Variants in TMEM74 observed in about 807,000 individuals in gnomAD.
TMEM74 encodes transmembrane protein 74.
TMEM74 carries 13 observed loss-of-function variants against 18.1 expected under a neutral mutation model. That is an observed-to-expected ratio of 0.72 (90% confidence interval 0.47 to 1.14). TMEM74 has a LOEUF of 1.14. Ranked by LOEUF, TMEM74 falls within the 50% of genes most tolerant of loss-of-function variation. TMEM74 has a pLI of 0.00. For missense variants in TMEM74, 372 were observed against 375.9 expected, an observed-to-expected ratio of 0.99 and a Z score of 0.09; for synonymous variants, 159 against 146.6, an observed-to-expected ratio of 1.08 and a Z score of -0.61.
At chr8:108,643,781 T>A (rs143874701) in intron 2 of TMEM74, among the ~76,000 whole-genome samples, 1 of 150,884 alleles carries the variant, frequency 6.6e-6, no homozygotes, top group African/African-American at 2.4e-5. Flanking sequence ...AACCTAGGAA[T>A]ACCTTTAACC....
intron 1 of TMEM74, among the ~76,000 whole-genome samples, chr8:108,769,857 T>C (rs923340820): frequency 6.6e-6 from 1 of 152,098 alleles, no homozygotes; most frequent in Admixed American, 6.6e-5. Flanking sequence ...TTTCTGAGTT[T>C]TATGAGTTTT....
chr8:108,745,781 C>A (rs1043371918), intron 1 of TMEM74, among the ~76,000 whole-genome samples: 1 of 152,090 alleles, frequency 6.6e-6, no homozygotes, highest in Non-Finnish European at 1.5e-5. Context: ...GGCAGACAGC[C>A]CAGCGCCGCA....
chr8:108,681,792 A>G (rs1293958542), intron 1 of TMEM74, among the ~76,000 whole-genome samples: 2 of 152,170 alleles, frequency 1.3e-5, no homozygotes, highest in Admixed American at 6.6e-5. Flanking sequence ...TTAGTTCTAC[A>G]CTTAAACCAG....
chr8:108,739,129 T>A (rs1813774859), intron 1 of TMEM74, among the ~76,000 whole-genome samples: 1 of 152,184 alleles, frequency 6.6e-6, no homozygotes, highest in Non-Finnish European at 1.5e-5. Context: ...ACTGCATATC[T>A]TTGACTTTTT....
chr8:108,609,185 T>C (rs572062610), intron 2 of TMEM74, among the ~76,000 whole-genome samples: 1 of 152,204 alleles, frequency 6.6e-6, no homozygotes, highest in Admixed American at 6.5e-5. Flanking sequence ...AGTTTCTCTA[T>C]AGATTTCAAA....
chr8:108,673,074 A>G (rs751722217), intron 1 of TMEM74, among the ~76,000 whole-genome samples: 3 of 152,210 alleles, frequency 2.0e-5, no homozygotes, highest in Non-Finnish European at 2.9e-5. Context: ...AGTCTTCTGA[A>G]GGACATAGAT....
intron 2 of TMEM74, among the ~76,000 whole-genome samples, chr8:108,637,228 T>C (rs1398124524): frequency 6.6e-6 from 1 of 152,122 alleles, no homozygotes; most frequent in Non-Finnish European, 1.5e-5. Flanking sequence ...AAAGGCCAAA[T>C]AGCACTTTTC....
chr8:108,660,277 A>C (rs1812887113), intron 1 of TMEM74, among the ~76,000 whole-genome samples: 1 of 152,176 alleles, frequency 6.6e-6, no homozygotes, highest in Non-Finnish European at 1.5e-5. Context: ...ACTCATTTCC[A>C]ATATTCTAGC....
chr8:108,654,239 C>T (rs139760039), intron 2 of TMEM74, among the ~76,000 whole-genome samples: 1 of 152,254 alleles, frequency 6.6e-6, no homozygotes, highest in East Asian at 1.9e-4. Context: ...GCCCAGGCAC[C>T]AGACTGCCTA....
At chr8:108,695,132 C>G (rs1180619371) in intron 1 of TMEM74, among the ~76,000 whole-genome samples, 1 of 152,154 alleles carries the variant, frequency 6.6e-6, no homozygotes, top group East Asian at 1.9e-4. Flanking sequence ...CACCAGCTGG[C>G]ATGAGCTGCA....
chr8:108,734,888 A>G (rs1201697339), intron 1 of TMEM74, among the ~76,000 whole-genome samples: 1 of 152,196 alleles, frequency 6.6e-6, no homozygotes, highest in Non-Finnish European at 1.5e-5. Context: ...TAAAATGTAT[A>G]TATTTTAAAA....
At chr8:108,719,347 G>A (rs1305587051) in intron 1 of TMEM74, among the ~76,000 whole-genome samples, 2 of 152,046 alleles carry the variant, frequency 1.3e-5, no homozygotes, top group Non-Finnish European at 2.9e-5. Context: ...TCTCACAAAA[G>A]TGTTTAATAT....
intron 1 of TMEM74, among the ~76,000 whole-genome samples, chr8:108,667,051 G>T (rs925787254): frequency 2.6e-5 from 4 of 152,140 alleles, no homozygotes; most frequent in African/African-American, 4.8e-5. Context: ...AATGATAGTT[G>T]CAAGGAGAGG....
chr8:108,719,666 A>G (rs1586272744), intron 1 of TMEM74, among the ~76,000 whole-genome samples: 1 of 152,146 alleles, frequency 6.6e-6, no homozygotes, highest in Non-Finnish European at 1.5e-5. Context: ...TTTCAAAGAA[A>G]TTTCAAGCCA....
intron 1 of TMEM74, among the ~76,000 whole-genome samples, chr8:108,664,742 T>C (rs180746319): frequency 6.6e-6 from 1 of 152,118 alleles, no homozygotes; most frequent in African/African-American, 2.4e-5. Flanking sequence ...AATATTATTG[T>C]CCCCATATAA....
intron 1 of TMEM74, among the ~76,000 whole-genome samples, chr8:108,772,100 T>C (rs1444311341): frequency 1.3e-5 from 2 of 152,206 alleles, no homozygotes; most frequent in Non-Finnish European, 1.5e-5. Flanking sequence ...ATACTAATTA[T>C]TGAGTGTATA....
chr8:108,711,961 C>T (rs1278755848), intron 1 of TMEM74, among the ~76,000 whole-genome samples: 1 of 151,872 alleles, frequency 6.6e-6, no homozygotes, highest in Non-Finnish European at 1.5e-5. Context: ...AGAGATATAT[C>T]TGGAGGCAGA....
rs147995618 is a variant in TMEM74, at chr8:108,648,444, G to T, written n.264+6849C>A. On this transcript the variant is annotated intron_variant and non_coding_transcript_variant, in intron 2 of 3. Transcript: ENST00000518838. ...GAGGCAAAATTAGCTTCACTACCCC[G>T]CAAAGATGTCCATATCCTAATCCTC... is the stretch of plus-strand genomic sequence containing the variant. Among the ~76,000 whole-genome samples, 167 of 152,200 alleles carry T rather than the reference G, an allele frequency of 1.1e-3. 1 individual carries two copies. The highest frequency in any genetic ancestry group is 3.7e-3 in the African/African-American group (154 of 41,538).
At chr8:108,772,358 T>C (rs1008565845) in intron 1 of TMEM74, among the ~76,000 whole-genome samples, 3 of 152,152 alleles carry the variant, frequency 2.0e-5, no homozygotes, top group African/African-American at 4.8e-5. Context: ...TTCCCATCTT[T>C]GCAAGTCAGG....
Sources: allele counts gnomAD v4.1 joint callset (sites outside exome capture counted in the v4.1 genomes callset), GRCh38; gene constraint gnomAD v4.1.1; transcripts MANE v1.5; gene names NCBI Gene and HGNC (gene_info 2026-07-23, HGNC 2026-07-21).